PRKAR1B: variants seen among roughly 807,000 people sequenced by gnomAD.
The protein encoded by PRKAR1B is cAMP-dependent protein kinase type I-beta regulatory subunit.
Under a neutral mutation model 46.5 loss-of-function variants are expected in PRKAR1B, and 22 were observed. The observed-to-expected ratio is 0.47, with a 90% confidence interval of 0.34 to 0.68. The LOEUF is 0.68. Among genes scored for constraint, PRKAR1B ranks in the 30% least tolerant of loss-of-function variants. The pLI, the probability that PRKAR1B is intolerant of heterozygous loss-of-function variation, is 0.01. For synonymous variants in PRKAR1B, 259 were observed against 217.7 expected (o/e 1.19, Z -1.67); for missense variants, 445 against 535.6 (o/e 0.83, Z 1.67).
chr7:596,029 G>A, intron 7 of PRKAR1B, 117 bp downstream of exon 7: 1 of 1,308,878 alleles, frequency 7.6e-7, no homozygotes, highest in Non-Finnish European at 1.0e-6. Context: ...GATCTGTCAG[G>A]GAGGTTGGAA....
intron 2 of PRKAR1B, among the ~76,000 whole-genome samples, chr7:691,333 G>C (rs564496193): frequency 2.8e-4 from 42 of 152,336 alleles, no homozygotes; most frequent in Middle Eastern, 3.4e-3. Flanking sequence ...ACTCGGCCAG[G>C]CCAAGATCAG....
Position 600,698 on chromosome 7 carries a change from C to A in PRKAR1B, c.550-4394G>T, listed in dbSNP as rs554511293. On this transcript the variant is annotated intron_variant, in intron 6 of 10. Coordinates refer to ENST00000537384, the MANE Select transcript of PRKAR1B (RefSeq NM_001164760.2). Reference sequence around the variant, plus strand: ...CCGGAACGGCCAGCGTCAGTGGGGACGTCGTGATGCCTGGGACGGGGAGCA... The same window carrying A: ...CCGGAACGGCCAGCGTCAGTGGGGAAGTCGTGATGCCTGGGACGGGGAGCA... Among the ~76,000 whole-genome samples the A allele has an allele frequency of 3.7e-4, 56 of 152,136 alleles. No homozygotes were observed. In the East Asian group the frequency reaches 0.01, roughly 28 times the overall value.
chr7:598,379 A>G (rs1404939295), intron 6 of PRKAR1B, among the ~76,000 whole-genome samples: 9 of 118,530 alleles, frequency 7.6e-5, no homozygotes, highest in African/African-American at 2.6e-4. Context: ...AGCACCCTCC[A>G]CACTAAACAC....
chr7:557,974 A>C (rs1054176168), intron 9 of PRKAR1B, among the ~76,000 whole-genome samples: 2 of 149,380 alleles, frequency 1.3e-5, no homozygotes, highest in African/African-American at 4.9e-5. Context: ...CAGGGGAATC[A>C]CAAAGGATTC....
At chr7:660,831 C>T (rs1341259462) in intron 4 of PRKAR1B, among the ~76,000 whole-genome samples, 1 of 127,332 alleles carries the variant, frequency 7.9e-6, no homozygotes, top group African/African-American at 3.1e-5. Context: ...GGCACAGGTC[C>T]CCAACCCAAC....
rs77657910 is a variant in PRKAR1B at position 659,477 on chromosome 7, C to T, written c.440+17752G>A. On this transcript the variant is annotated intron_variant, in intron 4 of 10. Coordinates refer to ENST00000537384, the MANE Select transcript of PRKAR1B (RefSeq NM_001164760.2). Reference sequence around the variant, plus strand: ...GAGAGGAGGGCACCCACATGGTGGCCGCACACGCCGTCCCGAGCCGGAATA... The same window carrying T: ...GAGAGGAGGGCACCCACATGGTGGCTGCACACGCCGTCCCGAGCCGGAATA... Among the ~76,000 whole-genome samples the T allele has an allele frequency of 9.1e-3, 1,392 of 152,210 alleles. 21 individuals are homozygous for T. The highest frequency in any genetic ancestry group is 0.031 in the Middle Eastern group (9 of 294).
chr7:601,649 C>T (rs1781604122), intron 6 of PRKAR1B, among the ~76,000 whole-genome samples: 1 of 152,234 alleles, frequency 6.6e-6, no homozygotes, highest in South Asian at 2.1e-4. Flanking sequence ...TCCCTGACGC[C>T]CACCCCTGCC....
chr7:688,726 C>A lies in PRKAR1B; in HGVS notation c.178-8000G>T, dbSNP rs192267091. 5.4e-4 allele frequency among the ~76,000 whole-genome samples: 83 copies of A among 152,312 alleles called. 1 individual carries two copies. Among genetic ancestry groups the A allele is most frequent in the South Asian group, 4.1e-3 (20 of 4,832 alleles). On this transcript the variant is annotated intron_variant, in intron 2 of 10. Coordinates refer to ENST00000537384, the MANE Select transcript of PRKAR1B (RefSeq NM_001164760.2). Reference sequence around the variant, plus strand: ...ACCCTCCCAATACGCCTCTCCTCCCCCTCCAGAGCTCTGCGGTCCTCTCAG... The same window carrying A: ...ACCCTCCCAATACGCCTCTCCTCCCACTCCAGAGCTCTGCGGTCCTCTCAG...
chr7:658,066 T>G (rs924991919), intron 4 of PRKAR1B, among the ~76,000 whole-genome samples: 1 of 152,068 alleles, frequency 6.6e-6, no homozygotes, highest in Admixed American at 6.6e-5. Context: ...AGCCAGCATA[T>G]GGACGGCGAA....
intron 4 of PRKAR1B, among the ~76,000 whole-genome samples, chr7:663,092 G>T (rs144273398): frequency 4.0e-5 from 6 of 151,764 alleles, no homozygotes; most frequent in Non-Finnish European, 7.4e-5. Context: ...GGATGTGGCT[G>T]AAGTTTCACT....
intron 6 of PRKAR1B, among the ~76,000 whole-genome samples, chr7:600,229 G>A (rs918084701): frequency 1.3e-5 from 2 of 152,242 alleles, no homozygotes; most frequent in Non-Finnish European, 2.9e-5. Context: ...GTAGGGCCGA[G>A]GGCAGTGGCT....
At chr7:643,730 A>G (rs1784500216) in intron 4 of PRKAR1B, among the ~76,000 whole-genome samples, 1 of 152,060 alleles carries the variant, frequency 6.6e-6, no homozygotes, top group South Asian at 2.1e-4. Context: ...TTGAAAAAAA[A>G]AAAAGTCGCA....
chr7:685,087 T>A (rs984226148), intron 2 of PRKAR1B, among the ~76,000 whole-genome samples: 4 of 151,174 alleles, frequency 2.6e-5, no homozygotes, highest in African/African-American at 9.8e-5. Context: ...AATGTAACCT[T>A]TTATATTAAT....
chr7:623,905 C>A (rs1266356436), intron 4 of PRKAR1B, among the ~76,000 whole-genome samples: 1 of 152,188 alleles, frequency 6.6e-6, no homozygotes, highest in South Asian at 2.1e-4. Flanking sequence ...GCCAAGTGTC[C>A]GCTCTACCCT....
At chr7:615,305 A>T (rs765498375) in intron 4 of PRKAR1B, among the ~76,000 whole-genome samples, 4 of 134,850 alleles carry the variant, frequency 3.0e-5, no homozygotes, top group Non-Finnish European at 6.5e-5. Flanking sequence ...GGCGCCTGTA[A>T]TCCCAGCTAC....
intron 7 of PRKAR1B, among the ~76,000 whole-genome samples, chr7:589,368 G>T (rs540413432): frequency 4.0e-5 from 6 of 151,856 alleles, no homozygotes; most frequent in African/African-American, 1.2e-4. Flanking sequence ...CTCAGAAATG[G>T]GGTCAGACAC....
intron 7 of PRKAR1B, among the ~76,000 whole-genome samples, chr7:590,040 C>A (rs948298897): frequency 6.6e-6 from 1 of 152,214 alleles, no homozygotes; most frequent in African/African-American, 2.4e-5. Flanking sequence ...GGGCTCAACA[C>A]CACGCAGAGA....
rs553352095 is a variant in PRKAR1B, at chr7:636,789, G to A, written c.441-29337C>T. 3.3e-5 allele frequency among the ~76,000 whole-genome samples: 5 copies of A among 152,308 alleles called. No homozygotes were observed. In the East Asian group the frequency reaches 9.6e-4, roughly 29 times the overall value. Reference sequence around the variant, plus strand: ...CATCTCTCTGTCTCTGCACCTGCACGCCCCTCCCTCCTGGGTGAGGAATGG... The same window carrying A: ...CATCTCTCTGTCTCTGCACCTGCACACCCCTCCCTCCTGGGTGAGGAATGG... On this transcript the variant is annotated intron_variant, in intron 4 of 10. Transcript: ENST00000537384.
chr7:562,727 C>G (rs1364558173), intron 9 of PRKAR1B, among the ~76,000 whole-genome samples: 1 of 152,204 alleles, frequency 6.6e-6, no homozygotes, highest in African/African-American at 2.4e-5. Context: ...CATAGCTTTG[C>G]GGCCAGCAGC....
Sources: allele counts gnomAD v4.1 joint callset (sites outside exome capture counted in the v4.1 genomes callset), GRCh38; gene constraint gnomAD v4.1.1; transcripts MANE v1.5; gene names NCBI Gene and HGNC (gene_info 2026-07-23, HGNC 2026-07-21).